Variants in UNC13C observed in about 807,000 individuals in gnomAD.
UNC13C encodes the protein unc-13 homolog C.
UNC13C carries 174 observed loss-of-function variants against 245.4 expected under a neutral mutation model. The observed-to-expected ratio is 0.71, with a 90% CI of 0.63 to 0.80. The LOEUF (loss-of-function observed/expected upper bound fraction) is 0.80, where lower values mean the gene tolerates loss of function less well. Ranked by LOEUF, UNC13C falls within the 30% of genes least tolerant of loss-of-function variation. The pLI, the probability that UNC13C is intolerant of heterozygous loss-of-function variation, is 0.00. For missense variants in UNC13C, 2,829 were observed against 2,602.9 expected (o/e 1.09, Z -1.89); for synonymous variants, 992 against 895.1 (o/e 1.11, Z -1.93).
intron 2 of UNC13C, among the ~76,000 whole-genome samples, chr15:54,043,156 T>A (rs1178344118): frequency 2.0e-5 from 3 of 151,974 alleles, no homozygotes; most frequent in African/African-American, 4.8e-5. Flanking sequence ...AAACCATATA[T>A]TTTTTTTCAC....
chr15:54,090,937 A>G (rs1275378637), intron 2 of UNC13C, among the ~76,000 whole-genome samples: 2 of 152,014 alleles, frequency 1.3e-5, no homozygotes, highest in African/African-American at 4.8e-5. Flanking sequence ...AGAAGGACTA[A>G]GAAGAATTTG....
At chr15:54,577,966 T>C (rs1023331886) in intron 30 of UNC13C, among the ~76,000 whole-genome samples, 3 of 152,174 alleles carry the variant, frequency 2.0e-5, no homozygotes, top group African/African-American at 7.2e-5. Context: ...AGAGAAAACA[T>C]CAAATTTTGA....
chr15:54,099,722 G>C (rs935051418), intron 2 of UNC13C, among the ~76,000 whole-genome samples: 13 of 152,036 alleles, frequency 8.6e-5, no homozygotes, highest in African/African-American at 3.1e-4. Context: ...TGCAAATTTA[G>C]AGTGCAACCC....
chr15:54,236,365 CT>C (rs2035700263), intron 5 of UNC13C, 64 bp from the exon 6 acceptor site: 1 of 1,306,248 alleles, frequency 7.7e-7, no homozygotes, highest in Non-Finnish European at 1.1e-6. Flanking sequence ...TTGTTATACT[CT>C]TTTCCTACCT....
intron 4 of UNC13C, among the ~76,000 whole-genome samples, chr15:54,165,602 A>G (rs147965805): frequency 6.9e-4 from 105 of 152,288 alleles, no homozygotes; most frequent in Middle Eastern, 3.4e-3. Context: ...ATACTATAGT[A>G]AAACATTCAA....
intron 4 of UNC13C, among the ~76,000 whole-genome samples, chr15:54,203,835 CACAT>C (rs2034616673): frequency 7.7e-6 from 1 of 129,122 alleles, no homozygotes; most frequent in Admixed American, 8.1e-5. Flanking sequence ...TATGTATATA[CACAT>C]ACATATACAC....
the UNC13C span, among the ~76,000 whole-genome samples, chr15:53,858,982 TATGGGTA>T: frequency 2.0e-5 from 3 of 152,228 alleles, no homozygotes; most frequent in South Asian, 6.2e-4. Flanking sequence ...TAGATATATT[TATGGGTA>T]ATGGTAATTA....
At chr15:53,923,047 G>A in the UNC13C span, among the ~76,000 whole-genome samples, 1 of 152,148 alleles carries the variant, frequency 6.6e-6, no homozygotes, top group African/African-American at 2.4e-5. Context: ...GACCTCCCAT[G>A]GGAATTAATG....
chr15:53,916,684 G>A, the UNC13C span, among the ~76,000 whole-genome samples: 1 of 152,182 alleles, frequency 6.6e-6, no homozygotes, highest in South Asian at 2.1e-4. Flanking sequence ...GCTTAACTCA[G>A]AAATACTGAA....
intron 2 of UNC13C, among the ~76,000 whole-genome samples, chr15:54,099,503 T>A (rs1441707889): frequency 6.6e-6 from 1 of 152,160 alleles, no homozygotes; most frequent in East Asian, 1.9e-4. Flanking sequence ...AGATGGTCAC[T>A]TAATTATCTT....
intron 18 of UNC13C, among the ~76,000 whole-genome samples, chr15:54,395,298 G>A (rs2040046729): frequency 1.3e-5 from 2 of 151,736 alleles, no homozygotes; most frequent in Non-Finnish European, 3.0e-5. Context: ...CTGTTACTTT[G>A]TTTGAATACT....
At chr15:54,236,165 A>G (rs565532424) in intron 5 of UNC13C, among the ~76,000 whole-genome samples, 1 of 152,330 alleles carries the variant, frequency 6.6e-6, no homozygotes, top group South Asian at 2.1e-4. Context: ...AACAACGTAC[A>G]TAACTTTTTA....
rs140614073 is a variant in UNC13C, at chr15:54,252,948, C to T, written c.3448+2504C>T. ...CTTTCCTTGTAATTTCTACCCATTACGCCATATCTTACTTCTGGTGAAAAT... is the reference window on the plus strand; with the variant it reads ...CTTTCCTTGTAATTTCTACCCATTATGCCATATCTTACTTCTGGTGAAAAT... On this transcript the variant is annotated intron_variant, in intron 8 of 32. Coordinates refer to ENST00000260323, the MANE Select transcript of UNC13C (RefSeq NM_001080534.3). Among the ~76,000 whole-genome samples the T allele has an allele frequency of 1.4e-3, 217 of 152,182 alleles. 1 individual carries two copies. The highest frequency in any genetic ancestry group is 4.8e-3 in the African/African-American group (201 of 41,512).
Position 54,172,748 on chromosome 15 carries a change from A to T in UNC13C, c.3071+29064A>T, listed in dbSNP as rs866752972. 2.0e-3 allele frequency among the ~76,000 whole-genome samples: 153 copies of T among 77,690 alleles called. 6 individuals carry two copies. The highest frequency in any genetic ancestry group is 7.0e-3 in the African/African-American group (135 of 19,192). 51.0% of individuals were successfully genotyped at this position (77,690 alleles called of 152,430 possible). On this transcript the variant is annotated intron_variant, in intron 4 of 32. Transcript: ENST00000260323. ...TATATATATATATATATATATATAT[A>T]TATATATATATATCTTTACTCTATA...
chr15:54,198,756 G>A (rs980767740), intron 4 of UNC13C, among the ~76,000 whole-genome samples: 1 of 151,978 alleles, frequency 6.6e-6, no homozygotes, highest in Non-Finnish European at 1.5e-5. Context: ...CCACCCAAAT[G>A]AGAAGGAACT....
At chr15:54,448,662 G>T (rs1030531048) in intron 19 of UNC13C, among the ~76,000 whole-genome samples, 1 of 152,092 alleles carries the variant, frequency 6.6e-6, no homozygotes, top group Admixed American at 6.5e-5. Flanking sequence ...TTCAGCCTAT[G>T]TGTGTCTCTG....
intron 30 of UNC13C, among the ~76,000 whole-genome samples, chr15:54,585,221 G>A (rs929619230): frequency 6.6e-6 from 1 of 152,170 alleles, no homozygotes; most frequent in Non-Finnish European, 1.5e-5. Flanking sequence ...GGGTCACGGG[G>A]CAGATCCTTC....
In UNC13C at chr15:54,015,640, C is replaced by T; in HGVS notation, c.2737C>T (p.Pro913Ser). 1.2e-6 allele frequency: 2 copies of T among 1,613,602 alleles called. No individual in the cohort carries two copies. Among genetic ancestry groups the T allele is most frequent in the South Asian group, 1.1e-5 (1 of 91,062 alleles). The change falls in exon 2 of 33, where the codon CCT becomes TCT. Residue 913 changes from proline to serine, a missense_variant. Physicochemically the swap from Pro to Ser is moderately conservative, Grantham distance 74 (BLOSUM62 -1). Transcript: ENST00000260323. ...QAYDHLSYET[P>S]YETPQDEGYD... ...ATATGATCACCTTTCATATGAAACA[C>T]CTTATGAAACCCCACAAGATGAGGG...
At chr15:54,135,971 T>G (rs76101680) in intron 2 of UNC13C, among the ~76,000 whole-genome samples, 3 of 152,286 alleles carry the variant, frequency 2.0e-5, no homozygotes, top group African/African-American at 7.2e-5. Flanking sequence ...GTTTTTCCAG[T>G]GCAGGCACAC....
Sources: allele counts gnomAD v4.1 joint callset (sites outside exome capture counted in the v4.1 genomes callset), GRCh38; gene constraint gnomAD v4.1.1; transcripts MANE v1.5; gene names NCBI Gene and HGNC (gene_info 2026-07-23, HGNC 2026-07-21).